SP4: variants seen among roughly 807,000 people sequenced by gnomAD.
The protein encoded by SP4 is transcription factor Sp4.
A neutral mutation model predicts 72.8 loss-of-function variants in SP4; 19 were observed. That is an observed-to-expected ratio of 0.26 (90% CI 0.18 to 0.38). The LOEUF is 0.38. SP4 is among the 10% of genes least tolerant of loss of function. The pLI is 1.00. For synonymous variants in SP4, 395 were observed against 333.1 expected (o/e 1.19, Z -2.02); for missense variants, 1,008 against 926.3 (o/e 1.09, Z -1.14).
intron 3 of SP4, among the ~76,000 whole-genome samples, chr7:21,454,380 A>G (rs950138901): frequency 1.7e-4 from 25 of 149,484 alleles, no homozygotes; most frequent in African/African-American, 5.9e-4. Flanking sequence ...CAACTTACAC[A>G]GACCATCTAC....
At chr7:21,455,049 A>G (rs534465205) in intron 3 of SP4, among the ~76,000 whole-genome samples, 1 of 152,274 alleles carries the variant, frequency 6.6e-6, no homozygotes, top group Middle Eastern at 3.4e-3. Flanking sequence ...GATGGCAACA[A>G]TGTCTGATTT....
At chr7:21,438,429 T>G (rs1374578948) in intron 3 of SP4, among the ~76,000 whole-genome samples, 1 of 152,162 alleles carries the variant, frequency 6.6e-6, no homozygotes, top group Admixed American at 6.5e-5. Context: ...GAGGGTGAAT[T>G]CTATTAAGCA....
intron 3 of SP4, among the ~76,000 whole-genome samples, chr7:21,474,389 T>G (rs1784433759): frequency 6.6e-6 from 1 of 152,182 alleles, no homozygotes; most frequent in Admixed American, 6.5e-5. Context: ...ATAGGGACCA[T>G]GCTGTAGATT....
At chr7:21,449,072 C>G (rs1783509710) in intron 3 of SP4, among the ~76,000 whole-genome samples, 1 of 152,174 alleles carries the variant, frequency 6.6e-6, no homozygotes. Flanking sequence ...CTAACCACCT[C>G]CTATATTAGG....
At position 21,429,566 on chromosome 7, in the gene SP4, G is replaced by C. The variant is rs1782761377; in HGVS notation, c.401G>C (p.Ser134Thr). 1 of 1,614,048 alleles carries C rather than the reference G, an allele frequency of 6.2e-7. No individual in the cohort carries two copies. Among genetic ancestry groups the C allele is most frequent in the Non-Finnish European group, 8.5e-7 (1 of 1,180,000 alleles). Residue 134 changes from serine to threonine, a missense_variant, in exon 3 of 6, where the codon AGT becomes ACT. Around this residue, in one of 3 missense-constraint regions of SP4, gnomAD observed 893 missense variants for 743.3 expected, o/e 1.20. Coordinates refer to ENST00000222584, the MANE Select transcript of SP4 (RefSeq NM_003112.5). ...SSSSSSSNNG[S>T]ASPTKTKSGN... ...AGTTCTTCCAGCAGTAATAACGGGA[G>C]TGCATCTCCTACAAAAACTAAATCA...
chr7:21,506,113 T>A (rs1781992253), intron 5 of SP4, among the ~76,000 whole-genome samples: 2 of 152,206 alleles, frequency 1.3e-5, no homozygotes. Context: ...AAGTGACGCC[T>A]CAATTTGTTT....
chr7:21,489,430 C>T (rs918704184), intron 5 of SP4, among the ~76,000 whole-genome samples: 1 of 151,726 alleles, frequency 6.6e-6, no homozygotes, highest in South Asian at 2.1e-4. Context: ...AAGCAGTCCT[C>T]CCACCTCAGC....
At chr7:21,464,254 G>A (rs953875720) in intron 3 of SP4, among the ~76,000 whole-genome samples, 5 of 149,810 alleles carry the variant, frequency 3.3e-5, no homozygotes, top group Admixed American at 6.7e-5. Context: ...CCACCACCAC[G>A]CCCAGCTAAT....
At chr7:21,483,774 A>G (rs987402455) in intron 5 of SP4, among the ~76,000 whole-genome samples, 24 of 151,246 alleles carry the variant, frequency 1.6e-4, no homozygotes, top group African/African-American at 4.4e-4. Flanking sequence ...TTTTTGGGCA[A>G]TTTTCCTTCT....
At chr7:21,460,345 T>C (rs1421475498) in intron 3 of SP4, among the ~76,000 whole-genome samples, 3 of 151,970 alleles carry the variant, frequency 2.0e-5, no homozygotes, top group South Asian at 2.1e-4. Context: ...ACCTTCGCGA[T>C]GAGTGTTACA....
At chr7:21,462,034 T>G (rs992464673) in intron 3 of SP4, among the ~76,000 whole-genome samples, 2 of 150,010 alleles carry the variant, frequency 1.3e-5, no homozygotes. Context: ...TTAGTTTTTT[T>G]TTTTTTTTTT....
intron 5 of SP4, among the ~76,000 whole-genome samples, chr7:21,497,384 A>G (rs1019112166): frequency 1.3e-5 from 2 of 152,244 alleles, no homozygotes; most frequent in Non-Finnish European, 2.9e-5. Flanking sequence ...TTAAAATACT[A>G]CAAAGCTTGC....
chr7:21,442,219 A>G (rs1313001507), intron 3 of SP4, among the ~76,000 whole-genome samples: 1 of 151,654 alleles, frequency 6.6e-6, no homozygotes, highest in Non-Finnish European at 1.5e-5. Context: ...TTGTATTTTT[A>G]GCAGAGAGGG....
At chr7:21,461,869 A>C (rs886695825) in intron 3 of SP4, among the ~76,000 whole-genome samples, 3 of 152,190 alleles carry the variant, frequency 2.0e-5, no homozygotes, top group African/African-American at 7.2e-5. Context: ...GGAGACTTTG[A>C]GGAGAATGTT....
At chr7:21,479,290 A>G (rs1367463525) in intron 4 of SP4, among the ~76,000 whole-genome samples, 1 of 150,096 alleles carries the variant, frequency 6.7e-6, no homozygotes, top group East Asian at 2.0e-4. Context: ...ATAATTTTAT[A>G]GTTTTTACTC....
At chr7:21,510,452 C>T (rs1782112019) in intron 5 of SP4, among the ~76,000 whole-genome samples, 1 of 152,106 alleles carries the variant, frequency 6.6e-6, no homozygotes, top group South Asian at 2.1e-4. Context: ...TTAAGAATTG[C>T]TTTGGACAAC....
intron 5 of SP4, among the ~76,000 whole-genome samples, chr7:21,501,137 C>T (rs1013259020): frequency 6.6e-6 from 1 of 152,108 alleles, no homozygotes; most frequent in Non-Finnish European, 1.5e-5. Context: ...AGGGTGTAAT[C>T]TTCCCTTCCC....
rs774816149 is a variant in SP4, at chr7:21,430,154, C to T, written c.989C>T (p.Thr330Met). Reference sequence around the variant, plus strand: ...ACTACCTGCACAACCACTGCTTCAACGTCTTTGACAAGCAGTGACACATTA... The same window carrying T: ...ACTACCTGCACAACCACTGCTTCAATGTCTTTGACAAGCAGTGACACATTA... ...SSTTCTTTAS[T>M]SLTSSDTLVS... The change falls in exon 3 of 6, where the codon ACG (threonine) becomes ATG (methionine). Residue 330 changes from threonine to methionine, a missense_variant. Physicochemically the swap from Thr to Met is moderately conservative, Grantham distance 81. This residue lies in a region of SP4 where 893 missense variants were observed against 743.3 expected (regional missense o/e 1.20). Transcript: ENST00000222584. The T allele has an allele frequency of 1.4e-5, 22 of 1,614,096 alleles. No individual in the cohort carries two copies. Among genetic ancestry groups the T allele is most frequent in the South Asian group, 5.5e-5 (5 of 91,088 alleles).
chr7:21,457,771 G>C (rs1421498564), intron 3 of SP4, among the ~76,000 whole-genome samples: 1 of 151,946 alleles, frequency 6.6e-6, no homozygotes, highest in African/African-American at 2.4e-5. Context: ...TTTTCAATAG[G>C]GGTGTGTGTG....
Sources: gnomAD v4.1 joint callset for allele counts (sites outside exome capture counted in the v4.1 genomes callset) on GRCh38, gnomAD v4.1.1 for gene constraint, gnomAD v4.1.1 regional missense constraint, MANE v1.5 for transcripts, NCBI Gene and HGNC (gene_info 2026-07-23, HGNC 2026-07-21) for gene names.